TNIK: variants seen among roughly 807,000 people sequenced by gnomAD.
TNIK encodes TRAF2 and NCK interacting kinase.
TNIK carries 49 observed loss-of-function variants against 191.3 expected under a neutral mutation model. The observed-to-expected ratio is 0.26, with a 90% CI of 0.20 to 0.32. The LOEUF is 0.32. TNIK is among the 10% of genes least tolerant of loss of function. The pLI is 1.00. For missense variants in TNIK, 1,155 were observed against 1,702.3 expected, an observed-to-expected ratio of 0.68 and a Z score of 5.66; for synonymous variants, 594 against 600.9, an observed-to-expected ratio of 0.99 and a Z score of 0.17.
chr3:171,380,563 T>C (rs990125760), intron 1 of TNIK, among the ~76,000 whole-genome samples: 1 of 152,250 alleles, frequency 6.6e-6, no homozygotes, highest in Admixed American at 6.5e-5. Context: ...TAAGCAACCA[T>C]GAAGTTGATT....
chr3:171,110,961 C>T (rs1725767207), intron 18 of TNIK, 84 bp from the exon 19 acceptor site: 2 of 1,339,282 alleles, frequency 1.5e-6, no homozygotes. Context: ...GTTTAATACC[C>T]AAAATATGTA....
At chr3:171,070,035 A>G (rs1293642892) in intron 29 of TNIK, among the ~76,000 whole-genome samples, 1 of 152,234 alleles carries the variant, frequency 6.6e-6, no homozygotes, top group East Asian at 1.9e-4. Flanking sequence ...TCTGGGTCAT[A>G]AAATAATGGC....
At chr3:171,373,625 G>A (rs1716830070) in intron 1 of TNIK, among the ~76,000 whole-genome samples, 1 of 152,112 alleles carries the variant, frequency 6.6e-6, no homozygotes, top group African/African-American at 2.4e-5. Flanking sequence ...AATAATACAA[G>A]ATACGGTTCA....
intron 2 of TNIK, among the ~76,000 whole-genome samples, chr3:171,278,186 G>A (rs933323469): frequency 1.3e-5 from 2 of 152,310 alleles, no homozygotes; most frequent in East Asian, 3.9e-4. Flanking sequence ...CCCCAGTTGG[G>A]TATATGCACA....
At chr3:171,263,576 A>C (rs1031711226) in intron 2 of TNIK, among the ~76,000 whole-genome samples, 1 of 152,132 alleles carries the variant, frequency 6.6e-6, no homozygotes, top group African/African-American at 2.4e-5. Context: ...TTTGGTAGGC[A>C]ATGTCTATAT....
intron 2 of TNIK, among the ~76,000 whole-genome samples, chr3:171,357,442 C>T (rs1170880837): frequency 2.0e-5 from 3 of 152,124 alleles, no homozygotes; most frequent in East Asian, 3.9e-4. Flanking sequence ...GCCCAGACCA[C>T]CACACTCAGC....
intron 21 of TNIK, among the ~76,000 whole-genome samples, chr3:171,106,039 A>G (rs962077974): frequency 3.9e-5 from 6 of 152,176 alleles, no homozygotes; most frequent in Non-Finnish European, 8.8e-5. Context: ...TTTATAAGCA[A>G]CAATCCTTCA....
At chr3:171,104,438 C>T (rs1033077148) in intron 21 of TNIK, among the ~76,000 whole-genome samples, 1 of 147,242 alleles carries the variant, frequency 6.8e-6, no homozygotes, top group South Asian at 2.1e-4. Flanking sequence ...AAAATAAGTG[C>T]TATTTAGCAT....
At chr3:171,400,380 C>T (rs1416318952) in intron 1 of TNIK, among the ~76,000 whole-genome samples, 1 of 151,916 alleles carries the variant, frequency 6.6e-6, no homozygotes, top group African/African-American at 2.4e-5. Context: ...GCCGAGGCAG[C>T]ATAGTGAGAC....
At chr3:171,312,804 G>C (rs1297917104) in intron 2 of TNIK, among the ~76,000 whole-genome samples, 1 of 151,854 alleles carries the variant, frequency 6.6e-6, no homozygotes, top group Non-Finnish European at 1.5e-5. Context: ...TTACTACTTT[G>C]GCTTTCACAA....
intron 12 of TNIK, among the ~76,000 whole-genome samples, chr3:171,145,244 G>A (rs1370320695): frequency 3.9e-5 from 6 of 151,968 alleles, no homozygotes; most frequent in African/African-American, 9.7e-5. Flanking sequence ...CCGCCACCAC[G>A]CCTGGCTAAT....
At chr3:171,103,700 A>T (rs1723992830) in intron 21 of TNIK, among the ~76,000 whole-genome samples, 1 of 152,154 alleles carries the variant, frequency 6.6e-6, no homozygotes, top group Non-Finnish European at 1.5e-5. Context: ...ATTTTATATA[A>T]TTTAAAGAGA....
chr3:171,166,009 T>C (rs1734577369), intron 10 of TNIK, among the ~76,000 whole-genome samples: 1 of 152,206 alleles, frequency 6.6e-6, no homozygotes, highest in African/African-American at 2.4e-5. Context: ...AACAAATTTG[T>C]CTTCCTTTAG....
intron 2 of TNIK, among the ~76,000 whole-genome samples, chr3:171,253,589 T>TCCCCCCC (rs67388870): frequency 3.3e-5 from 4 of 121,538 alleles, no homozygotes; most frequent in Admixed American, 8.8e-5. Context: ...AGAAGACAGG[T>TCCCCCCC]CCCCCCCCCA....
rs1712289518 is a variant in TNIK, at chr3:171,346,896, G to C, written c.123+22724C>G. 4 of 374,558 alleles carry C rather than the reference G, an allele frequency of 1.1e-5. No individual in the cohort carries two copies. In the South Asian group the frequency reaches 1.6e-4, roughly 15 times the overall value. The allele number at this position is 374,558 out of a possible 1,614,324, so 23.2% of individuals were successfully genotyped here. On this transcript the variant is annotated intron_variant, in intron 2 of 32. Coordinates refer to ENST00000436636, the MANE Select transcript of TNIK (RefSeq NM_015028.4). ...AGGCTAAGTTTACTCTTGATCACAT[G>C]GGAAATCATTCAAAAGGTTTTAAAC...
intron 2 of TNIK, among the ~76,000 whole-genome samples, chr3:171,321,451 T>C (rs1320775922): frequency 6.6e-6 from 1 of 152,208 alleles, no homozygotes; most frequent in Non-Finnish European, 1.5e-5. Flanking sequence ...TAAACATCCA[T>C]TGTTTTGATA....
chr3:171,242,157 A>C (rs761067829), intron 2 of TNIK, among the ~76,000 whole-genome samples: 27 of 122,498 alleles, frequency 2.2e-4, no homozygotes, highest in Non-Finnish European at 4.3e-4. Context: ...TAGAACTTAA[A>C]TTAAAAAAAA....
intron 2 of TNIK, among the ~76,000 whole-genome samples, chr3:171,233,956 T>C (rs1181062470): frequency 6.6e-6 from 1 of 152,190 alleles, no homozygotes; most frequent in Non-Finnish European, 1.5e-5. Flanking sequence ...ACCTGGAAGA[T>C]GATTTTAAGT....
intron 18 of TNIK, among the ~76,000 whole-genome samples, chr3:171,118,636 A>G (rs919408810): frequency 1.3e-5 from 2 of 152,224 alleles, no homozygotes; most frequent in Admixed American, 6.5e-5. Context: ...ATGATGCCAC[A>G]TATCTATAAC....
Sources: allele counts gnomAD v4.1 joint callset (sites outside exome capture counted in the v4.1 genomes callset), GRCh38; gene constraint gnomAD v4.1.1; transcripts MANE v1.5; gene names NCBI Gene and HGNC (gene_info 2026-07-23, HGNC 2026-07-21).